The following SLC20A2 variants were observed in gnomAD, a reference collection of about 807,000 sequenced individuals.
SLC20A2 encodes the protein sodium-dependent phosphate transporter 2.
Under a neutral mutation model 61.0 loss-of-function variants are expected in SLC20A2, and 30 were observed. The observed-to-expected ratio is 0.49, with a 90% CI of 0.37 to 0.67. The LOEUF (loss-of-function observed/expected upper bound fraction) is 0.67, where lower values mean the gene tolerates loss of function less well. Ranked by LOEUF, SLC20A2 falls within the 30% of genes least tolerant of loss-of-function variation. The pLI, the probability that SLC20A2 is intolerant of heterozygous loss-of-function variation, is 0.00. For missense variants in SLC20A2, 626 were observed against 866.4 expected, an observed-to-expected ratio of 0.72 and a Z score of 3.48; for synonymous variants, 351 against 353.3, an observed-to-expected ratio of 0.99 and a Z score of 0.07.
In SLC20A2 at chr8:42,458,581, C is replaced by T. The variant is rs142204713; in HGVS notation, c.613+1315G>A. ...AAGGCTGCAGTGGGCTATGATTGCA[C>T]CACTGCATTCCAGCCTGGGCAATAA... On this transcript the variant is annotated intron_variant, in intron 5 of 10. Coordinates refer to ENST00000520262, the MANE Select transcript of SLC20A2 (RefSeq NM_001257180.2). Among the ~76,000 whole-genome samples, 44 of 148,026 alleles carry T rather than the reference C, an allele frequency of 3.0e-4. 1 individual carries two copies. In the East Asian group the frequency reaches 8.8e-3, roughly 30 times the overall value.
chr8:42,534,033 G>A (rs532730308), intron 1 of SLC20A2, among the ~76,000 whole-genome samples: 2 of 151,920 alleles, frequency 1.3e-5, no homozygotes, highest in Non-Finnish European at 2.9e-5. Context: ...ACAACAAAAG[G>A]GGCCAGGTAT....
At chr8:42,446,497 T>C (rs1044722580) in intron 5 of SLC20A2, among the ~76,000 whole-genome samples, 16 of 152,346 alleles carry the variant, frequency 1.1e-4, no homozygotes, top group African/African-American at 3.8e-4. Flanking sequence ...ACAACTAATA[T>C]ATGCATCATT....
chr8:42,460,150 C>T, intron 4 of SLC20A2, 158 bp from the exon 5 acceptor site: 1 of 546,020 alleles, frequency 1.8e-6, no homozygotes, highest in Non-Finnish European at 3.3e-6. Context: ...ATCTGCTCCA[C>T]TTCTGCAGAA....
intron 8 of SLC20A2, among the ~76,000 whole-genome samples, chr8:42,434,914 G>A (rs1474600537): frequency 7.0e-6 from 1 of 143,238 alleles, no homozygotes; most frequent in African/African-American, 3.0e-5. Context: ...GCGCATGTGA[G>A]TGTGTGTGCG....
chr8:42,487,216 C>T (rs1226184499), intron 1 of SLC20A2, among the ~76,000 whole-genome samples: 11 of 129,922 alleles, frequency 8.5e-5, no homozygotes, highest in African/African-American at 2.9e-4. Context: ...TTCATTCTGT[C>T]GCCCAGGCTG....
chr8:42,541,545 C>T (rs1177107855), intron 1 of SLC20A2: 2 of 148,542 alleles, frequency 1.3e-5, no homozygotes, highest in South Asian at 2.1e-4. Flanking sequence ...GACCTGGCTC[C>T]TCGTTTCATC....
At position 42,480,635 on chromosome 8, in the gene SLC20A2, TCTA is replaced by T. The variant is rs1808484896; in HGVS notation, c.-264-7984_-264-7982del. 4.6e-5 allele frequency: 7 copies of T among 152,292 alleles called. No homozygotes were observed. In the South Asian group the frequency reaches 1.5e-3, roughly 32 times the overall value. The allele number at this position is 152,292 out of a possible 1,614,324, so 9.4% of individuals were successfully genotyped here. A position where few individuals can be genotyped will look rare whatever the true frequency, so the allele number is the denominator to read the frequency against. ...AAGGTCTCTGCATGGTGTGGAGTCT[TCTA>T]CTATATTCCAGTTATTTATTTATTC... On this transcript the variant is annotated intron_variant, in intron 1 of 10. Transcript: ENST00000520262.
chr8:42,537,252 TGC>T (rs1386909368), intron 1 of SLC20A2, among the ~76,000 whole-genome samples: 6 of 150,734 alleles, frequency 4.0e-5, no homozygotes, highest in Non-Finnish European at 8.9e-5. Flanking sequence ...AGCACAGTGG[TGC>T]GTGCCTGTAG....
chr8:42,432,797 G>T (rs1187272233), intron 8 of SLC20A2, among the ~76,000 whole-genome samples: 1 of 152,156 alleles, frequency 6.6e-6, no homozygotes, highest in Non-Finnish European at 1.5e-5. Flanking sequence ...TTATTTTTTA[G>T]CAATAAAGTA....
intron 1 of SLC20A2, among the ~76,000 whole-genome samples, chr8:42,483,344 C>T (rs1413848063): frequency 6.6e-6 from 1 of 152,230 alleles, no homozygotes; most frequent in Non-Finnish European, 1.5e-5. Context: ...GCACTCCAGC[C>T]TGAGTGACAA....
chr8:42,495,020 TG>T (rs1809813167), intron 1 of SLC20A2, among the ~76,000 whole-genome samples: 1 of 151,236 alleles, frequency 6.6e-6, no homozygotes, highest in Admixed American at 6.6e-5. Context: ...CTAATTTTTT[TG>T]TATTTTTTTT....
chr8:42,519,088 C>T (rs1278045246), intron 1 of SLC20A2, among the ~76,000 whole-genome samples: 1 of 152,198 alleles, frequency 6.6e-6, no homozygotes, highest in Non-Finnish European at 1.5e-5. Flanking sequence ...AGCACAGACG[C>T]TGTTCCTGTT....
intron 5 of SLC20A2, among the ~76,000 whole-genome samples, chr8:42,454,017 T>A (rs1249745646): frequency 6.6e-6 from 1 of 152,140 alleles, no homozygotes; most frequent in African/African-American, 2.4e-5. Flanking sequence ...TTTTTGTTTG[T>A]TTTTGAGACA....
chr8:42,535,717 T>C (rs1250747620), intron 1 of SLC20A2, among the ~76,000 whole-genome samples: 1 of 152,154 alleles, frequency 6.6e-6, no homozygotes, highest in African/African-American at 2.4e-5. Flanking sequence ...AAATATAAAA[T>C]ACAGGGCTGG....
chr8:42,539,890 A>G (rs977707440), intron 1 of SLC20A2, among the ~76,000 whole-genome samples: 11 of 152,366 alleles, frequency 7.2e-5, no homozygotes, highest in Admixed American at 1.3e-4. Flanking sequence ...TTGTACTTCT[A>G]TGAATTTTTA....
At chr8:42,428,900 C>T (rs537502821) in intron 9 of SLC20A2, 58 bp from the exon 10 acceptor site, 14 of 1,399,112 alleles carry the variant, frequency 1.0e-5, no homozygotes, top group South Asian at 5.8e-5. Context: ...TCCCTGACAC[C>T]CCGTGGGTGC....
intron 1 of SLC20A2, among the ~76,000 whole-genome samples, chr8:42,527,275 A>C (rs954085944): frequency 6.6e-6 from 1 of 151,584 alleles, no homozygotes. Context: ...GTGGTGGGGT[A>C]TGCCTGTAAT....
intron 1 of SLC20A2, among the ~76,000 whole-genome samples, chr8:42,527,910 A>G (rs1380287738): frequency 2.6e-5 from 4 of 152,238 alleles, no homozygotes; most frequent in Non-Finnish European, 5.9e-5. Context: ...TTTTAAAAAC[A>G]TGTGTATGTG....
At chr8:42,457,483 C>CTT (rs35136224) in intron 5 of SLC20A2, among the ~76,000 whole-genome samples, 4 of 143,530 alleles carry the variant, frequency 2.8e-5, no homozygotes, top group African/African-American at 2.5e-5. Context: ...AGTATTTAAA[C>CTT]TTTTTTTTTT....
Sources: gnomAD v4.1 joint callset for allele counts (sites outside exome capture counted in the v4.1 genomes callset) on GRCh38, gnomAD v4.1.1 for gene constraint, MANE v1.5 for transcripts, NCBI Gene and HGNC (gene_info 2026-07-23, HGNC 2026-07-21) for gene names.